PARP4: variants seen among roughly 807,000 people sequenced by gnomAD.
The protein encoded by PARP4 is protein mono-ADP-ribosyltransferase PARP4.
PARP4 carries 120 observed loss-of-function variants against 187.7 expected under a neutral mutation model. That is an observed-to-expected ratio of 0.64 (90% confidence interval 0.55 to 0.74). The LOEUF (loss-of-function observed/expected upper bound fraction) is 0.74, where lower values mean the gene tolerates loss of function less well. Among genes scored for constraint, PARP4 ranks in the 30% least tolerant of loss-of-function variants. The pLI, the probability that PARP4 is intolerant of heterozygous loss-of-function variation, is 0.00. For missense variants in PARP4, 1,836 were observed against 2,070.5 expected, an observed-to-expected ratio of 0.89 and a Z score of 2.20; for synonymous variants, 654 against 740.9, an observed-to-expected ratio of 0.88 and a Z score of 1.90.
chr13:24,444,288 T>C (rs1319941112), intron 27 of PARP4, among the ~76,000 whole-genome samples: 2 of 152,302 alleles, frequency 1.3e-5, no homozygotes, highest in African/African-American at 4.8e-5. Flanking sequence ...GAAAACGACC[T>C]CTTCCCAGGT....
At chr13:24,439,520 G>GT (rs1414957724) in intron 30 of PARP4, among the ~76,000 whole-genome samples, 1 of 151,930 alleles carries the variant, frequency 6.6e-6, no homozygotes, top group East Asian at 1.9e-4. Context: ...GTGTAGGGGC[G>GT]TATCTCTTAT....
intron 31 of PARP4, among the ~76,000 whole-genome samples, chr13:24,432,266 C>T (rs1870380419): frequency 1.3e-5 from 2 of 152,086 alleles, no homozygotes; most frequent in African/African-American, 2.4e-5. Context: ...GTATTGTTAA[C>T]GATAGTCACC....
intron 31 of PARP4, among the ~76,000 whole-genome samples, chr13:24,434,094 T>C (rs1372353217): frequency 6.6e-6 from 1 of 152,244 alleles, no homozygotes; most frequent in Admixed American, 6.5e-5. Flanking sequence ...CACCCCATCA[T>C]CTGTTCAGAG....
chr13:24,491,721 A>C (rs1036376157), intron 9 of PARP4, among the ~76,000 whole-genome samples: 5 of 152,068 alleles, frequency 3.3e-5, no homozygotes, highest in Non-Finnish European at 7.4e-5. Flanking sequence ...TCCTCTACTC[A>C]CTAAGCCTGC....
chr13:24,437,324 T>C (rs879114687), intron 30 of PARP4, among the ~76,000 whole-genome samples: 4 of 152,108 alleles, frequency 2.6e-5, no homozygotes, highest in African/African-American at 9.7e-5. Flanking sequence ...TTTCTAAGCA[T>C]GATGAAAAGC....
At chr13:24,447,221 G>C in intron 25 of PARP4, 35 bp from the exon 26 acceptor site, 1 of 1,473,992 alleles carries the variant, frequency 6.8e-7, no homozygotes, top group Non-Finnish European at 9.2e-7. Flanking sequence ...CTCTTTCAAT[G>C]CTCCATCCAG....
chr13:24,424,658 T>C (rs1332825051), intron 33 of PARP4, among the ~76,000 whole-genome samples: 1 of 150,848 alleles, frequency 6.6e-6, no homozygotes, highest in African/African-American at 2.4e-5. Context: ...TAGAGAGATA[T>C]AGTCAAATTA....
intron 28 of PARP4, among the ~76,000 whole-genome samples, chr13:24,443,336 C>G (rs148568470): frequency 4.0e-4 from 61 of 152,274 alleles, no homozygotes; most frequent in African/African-American, 1.3e-3. Flanking sequence ...CGCTACCACA[C>G]GAGAGATCTG....
At chr13:24,472,584 A>T (rs1400515688) in intron 15 of PARP4, among the ~76,000 whole-genome samples, 8 of 152,204 alleles carry the variant, frequency 5.3e-5, no homozygotes, top group Non-Finnish European at 1.2e-4. Context: ...TCAGAAGCTG[A>T]TCATGAGGCC....
intron 20 of PARP4, among the ~76,000 whole-genome samples, chr13:24,457,823 C>T (rs945264626): frequency 6.8e-6 from 1 of 147,026 alleles, no homozygotes; most frequent in Non-Finnish European, 1.5e-5. Context: ...AAAGGCACTG[C>T]AGAAAGGCAC....
rs536951273 is a variant in PARP4 at position 24,500,337 on chromosome 13, T to C, written c.380A>G (p.Glu127Gly). Residue 127 changes from glutamate (E) to glycine (G), a missense_variant, in exon 4 of 34, where the codon GAA becomes GGA. Transcript: ENST00000381989. ...TTACTCAGTGAGTTCCACAGTGTCT[T>C]CCTCCTCTGTGGCACTGTCCGGGCA... ...GLCPDSATEE[E>G]DTVELTEFGM... is the part of the protein sequence containing the mutation. 1.2e-6 allele frequency: 2 copies of C among 1,601,098 alleles called. No individual in the cohort carries two copies. Among genetic ancestry groups the C allele is most frequent in the African/African-American group, 1.3e-5 (1 of 74,486 alleles).
chr13:24,483,823 C>T (rs1422445995), intron 12 of PARP4, among the ~76,000 whole-genome samples: 8 of 152,258 alleles, frequency 5.3e-5, no homozygotes, highest in Middle Eastern at 3.4e-3. Flanking sequence ...GATGGGGTTT[C>T]GCCACATTGG....
At chr13:24,503,512 T>C (rs1471575101) in intron 2 of PARP4, 133 bp downstream of exon 2, 16 of 1,063,274 alleles carry the variant, frequency 1.5e-5, no homozygotes, top group Non-Finnish European at 1.9e-5. Context: ...GCCATGTCAG[T>C]CTCTCCTGAT....
chr13:24,494,199 T>C (rs1412181447), intron 7 of PARP4, among the ~76,000 whole-genome samples: 27 of 152,156 alleles, frequency 1.8e-4, no homozygotes, highest in Admixed American at 1.8e-3. Context: ...CCTCCTGACA[T>C]TTATTTATTT....
At chr13:24,451,369 C>T (rs1026852278) in intron 24 of PARP4, among the ~76,000 whole-genome samples, 1 of 152,166 alleles carries the variant, frequency 6.6e-6, no homozygotes, top group African/African-American at 2.4e-5. Flanking sequence ...CCTTAGATTA[C>T]AGAGAACAGA....
intron 9 of PARP4, among the ~76,000 whole-genome samples, chr13:24,492,111 T>G (rs187310221): frequency 5.9e-4 from 90 of 152,310 alleles, no homozygotes; most frequent in Non-Finnish European, 5.9e-5. Flanking sequence ...ATCGTTTAAG[T>G]CAGCTGCAGT....
chr13:24,493,790 AACTT>A, intron 7 of PARP4, 57 bp from the exon 8 acceptor site: 2 of 1,560,382 alleles, frequency 1.3e-6, no homozygotes, highest in South Asian at 2.2e-5. Flanking sequence ...GTTTGTGTAA[AACTT>A]ACATGGGCCA....
chr13:24,440,215 T>C (rs554116522), intron 30 of PARP4, among the ~76,000 whole-genome samples: 5 of 151,802 alleles, frequency 3.3e-5, no homozygotes, highest in African/African-American at 9.7e-5. Context: ...CTGGCCAACA[T>C]GGTGAAACCC....
chr13:24,450,598 C>G (rs868405980), intron 24 of PARP4, among the ~76,000 whole-genome samples: 1 of 152,176 alleles, frequency 6.6e-6, no homozygotes, highest in African/African-American at 2.4e-5. Flanking sequence ...TCTTCCTGTG[C>G]TCCTTCAGGG....
Sources: allele counts gnomAD v4.1 joint callset (sites outside exome capture counted in the v4.1 genomes callset), GRCh38; gene constraint gnomAD v4.1.1; transcripts MANE v1.5; gene names NCBI Gene and HGNC (gene_info 2026-07-23, HGNC 2026-07-21).